Variants in DOCK2 observed in about 807,000 individuals in gnomAD.
DOCK2 encodes the protein dedicator of cytokinesis protein 2.
A neutral mutation model predicts 248.9 loss-of-function variants in DOCK2; 87 were observed. The observed-to-expected ratio is 0.35, with a 90% CI of 0.29 to 0.42. DOCK2 has a LOEUF of 0.42. Among genes scored for constraint, DOCK2 ranks in the 10% least tolerant of loss-of-function variants. The pLI, the probability that DOCK2 is intolerant of heterozygous loss-of-function variation, is 1.00. For synonymous variants in DOCK2, 805 were observed against 821.6 expected (o/e 0.98, Z 0.35); for missense variants, 1,747 against 2,300.2 (o/e 0.76, Z 4.92).
chr5:169,665,483 T>C (rs1308954485), intron 2 of DOCK2, among the ~76,000 whole-genome samples: 2 of 151,718 alleles, frequency 1.3e-5, no homozygotes, highest in Non-Finnish European at 2.9e-5. Context: ...TACACACACA[T>C]ATGTATGTGC....
intron 30 of DOCK2, among the ~76,000 whole-genome samples, chr5:170,006,555 A>T (rs1019039032): frequency 4.6e-5 from 7 of 152,052 alleles, no homozygotes; most frequent in Admixed American, 4.6e-4. Context: ...GTGTTTTAAA[A>T]GGTTCTTCTG....
Position 169,718,755 on chromosome 5 carries a change from T to C in DOCK2, c.2231T>C (p.Phe744Ser). Residue 744 changes from phenylalanine to serine, a missense_variant, in exon 22 of 52, where the codon TTC becomes TCC. Physicochemically the swap from Phe to Ser is radical, Grantham distance 155 (BLOSUM62 -2). This residue lies in a region of DOCK2 where 858 missense variants were observed against 1,183.5 expected (regional missense o/e 0.72). Coordinates refer to ENST00000520908, the MANE Select transcript of DOCK2 (RefSeq NM_004946.3). ...ACGCTGAAGGCTTTGGAATATGTGT[T>C]CAAGTTCATTGTTCGGTCGAGGACA... ...LRTLKALEYVFKFIVRSRTLF... is the reference protein window; with the variant it reads ...LRTLKALEYVSKFIVRSRTLF... The C allele has an allele frequency of 6.2e-7, 1 of 1,613,880 alleles. No homozygotes were observed. The highest frequency in any genetic ancestry group is 8.5e-7 in the Non-Finnish European group (1 of 1,179,810).
chr5:169,939,026 C>T (rs1394082134), intron 27 of DOCK2, among the ~76,000 whole-genome samples: 14 of 151,686 alleles, frequency 9.2e-5, no homozygotes, highest in Admixed American at 6.6e-4. Context: ...ACCTTAGCCT[C>T]GGGAGTAGCT....
intron 1 of DOCK2, among the ~76,000 whole-genome samples, chr5:169,638,231 A>G (rs912493658): frequency 3.3e-5 from 5 of 152,104 alleles, no homozygotes; most frequent in African/African-American, 1.2e-4. Context: ...AGACCCAAAC[A>G]CCCAGAGGGA....
chr5:169,775,429 T>C (rs955598830), intron 25 of DOCK2, among the ~76,000 whole-genome samples: 14 of 152,014 alleles, frequency 9.2e-5, no homozygotes, highest in Non-Finnish European at 2.1e-4. Context: ...CTGTCTCTCT[T>C]TCTTTTTTCT....
intron 1 of DOCK2, among the ~76,000 whole-genome samples, chr5:169,638,631 G>C (rs1381166579): frequency 6.6e-6 from 1 of 152,164 alleles, no homozygotes; most frequent in East Asian, 1.9e-4. Flanking sequence ...TTCAGGTCCA[G>C]GGTCTTACCT....
chr5:170,047,453 T>C, intron 39 of DOCK2, 57 bp from the exon 40 acceptor site: 4 of 1,518,508 alleles, frequency 2.6e-6, no homozygotes, highest in Middle Eastern at 1.7e-4. Context: ...CCTCTTTGAG[T>C]TGAATGTGCC....
intron 1 of DOCK2, among the ~76,000 whole-genome samples, chr5:169,641,185 A>G (rs1057264022): frequency 6.6e-6 from 1 of 152,230 alleles, no homozygotes; most frequent in African/African-American, 2.4e-5. Context: ...CTTCAGTTAA[A>G]TGTGATTACC....
intron 27 of DOCK2, among the ~76,000 whole-genome samples, chr5:169,965,844 G>A (rs565882630): frequency 1.3e-4 from 20 of 152,294 alleles, no homozygotes; most frequent in Admixed American, 5.2e-4. Context: ...CTCATTGATG[G>A]CAAAGTTAGG....
chr5:169,750,633 G>A (rs1056046137), intron 23 of DOCK2, among the ~76,000 whole-genome samples: 1 of 152,150 alleles, frequency 6.6e-6, no homozygotes, highest in African/African-American at 2.4e-5. Flanking sequence ...CTTATAATTT[G>A]GGCCAGGTTT....
chr5:170,004,291 A>G (rs1338358528), intron 30 of DOCK2, among the ~76,000 whole-genome samples: 2 of 152,306 alleles, frequency 1.3e-5, no homozygotes, highest in Non-Finnish European at 1.5e-5. Flanking sequence ...AGTCCCACCA[A>G]CAGTGTAAGA....
intron 25 of DOCK2, among the ~76,000 whole-genome samples, chr5:169,796,701 G>A (rs1766677131): frequency 6.6e-6 from 1 of 152,200 alleles, no homozygotes; most frequent in Non-Finnish European, 1.5e-5. Flanking sequence ...GCAAAGGCGG[G>A]GTGTCAGGAA....
intron 27 of DOCK2, among the ~76,000 whole-genome samples, chr5:169,942,281 G>C (rs1229083200): frequency 6.6e-6 from 1 of 152,186 alleles, no homozygotes; most frequent in Admixed American, 6.5e-5. Flanking sequence ...TCTCTGCAAT[G>C]ACTTCTGACT....
In DOCK2 at chr5:169,810,989, T is replaced by TCACACACACACA. The variant is rs55987604; in HGVS notation, c.2703+7807_2703+7818dup. ...CACACAGACTCTCTCTCTCTCTCTC[T>TCACACACACACA]CACACACACACACACACACACACAC... On this transcript the variant is annotated intron_variant, in intron 26 of 51. Transcript: ENST00000520908. 2.9e-4 allele frequency among the ~76,000 whole-genome samples: 28 copies of TCACACACACACA among 97,320 alleles called. No homozygotes were observed. The East Asian group carries it at 5.9e-3, about 21-fold the overall frequency. The allele number at this position is 97,320 out of a possible 152,430, so 63.8% of individuals were successfully genotyped here.
chr5:169,721,843 A>G (rs1762222817), intron 22 of DOCK2, among the ~76,000 whole-genome samples: 1 of 152,180 alleles, frequency 6.6e-6, no homozygotes, highest in Non-Finnish European at 1.5e-5. Context: ...ATTCATTTTT[A>G]TCTATAGCCA....
intron 26 of DOCK2, among the ~76,000 whole-genome samples, chr5:169,819,218 G>A (rs1768263747): frequency 6.6e-6 from 1 of 152,186 alleles, no homozygotes; most frequent in South Asian, 2.1e-4. Flanking sequence ...GTTGAGGAAG[G>A]AGAATCACTT....
chr5:169,847,142 G>C, intron 27 of DOCK2, among the ~76,000 whole-genome samples: 1 of 152,160 alleles, frequency 6.6e-6, no homozygotes, highest in East Asian at 1.9e-4. Flanking sequence ...TGCGATTTGT[G>C]CTGCTATAAA....
At chr5:169,828,890 A>C (rs1769048370) in intron 26 of DOCK2, among the ~76,000 whole-genome samples, 1 of 152,228 alleles carries the variant, frequency 6.6e-6, no homozygotes, top group African/African-American at 2.4e-5. Context: ...AGCCCAAAGT[A>C]GTGGCACAGA....
chr5:169,812,248 C>A (rs1056168166), intron 26 of DOCK2, among the ~76,000 whole-genome samples: 1 of 152,178 alleles, frequency 6.6e-6, no homozygotes, highest in Non-Finnish European at 1.5e-5. Flanking sequence ...CTCATAGGAA[C>A]GCGAACCCTA....
Sources: allele counts gnomAD v4.1 joint callset (sites outside exome capture counted in the v4.1 genomes callset), GRCh38; gene constraint gnomAD v4.1.1; regional missense constraint gnomAD v4.1.1; transcripts MANE v1.5; gene names NCBI Gene and HGNC (gene_info 2026-07-23, HGNC 2026-07-21).